TTC3: variants seen among roughly 807,000 people sequenced by gnomAD.
TTC3 encodes E3 ubiquitin-protein ligase TTC3.
A neutral mutation model predicts 249.6 loss-of-function variants in TTC3; 180 were observed. That is an observed-to-expected ratio of 0.72 (90% CI 0.64 to 0.82). The LOEUF is 0.82. TTC3 is among the 40% of genes least tolerant of loss of function. The probability of loss-of-function intolerance (pLI) is 0.00; values close to 1 mark genes in which losing one functional copy is unlikely to be tolerated. For synonymous variants in TTC3, 717 were observed against 805.0 expected (o/e 0.89, Z 1.85); for missense variants, 2,061 against 2,398.4 (o/e 0.86, Z 2.94).
chr21:37,124,703 T>A, exon 14 of TTC3: 1 of 1,613,846 alleles, frequency 6.2e-7, no homozygotes. Context: ...TCAGAAAAAT[T>A]AATCACGAAA....
intron 21 of TTC3, among the ~76,000 whole-genome samples, chr21:37,145,303 A>G (rs13046844): frequency 0.53 from 80,972 of 152,072 alleles, 22,192 homozygotes; most frequent in African/African-American, 0.64. Flanking sequence ...ATAAAAAGAC[A>G]AATAATCTAA....
At chr21:37,103,129 A>G (rs562958643) in intron 10 of TTC3, among the ~76,000 whole-genome samples, 1 of 152,334 alleles carries the variant, frequency 6.6e-6, no homozygotes, top group Non-Finnish European at 1.5e-5. Flanking sequence ...GAGAGGAAAG[A>G]GTTCAGGAAT....
chr21:37,160,203 G>A (rs1045441951), intron 29 of TTC3, among the ~76,000 whole-genome samples: 19 of 152,310 alleles, frequency 1.2e-4, no homozygotes, highest in Non-Finnish European at 2.4e-4. Flanking sequence ...TCATTCTTCA[G>A]AAATTCTTCA....
chr21:37,139,905 A>G (rs1269211453), intron 19 of TTC3, among the ~76,000 whole-genome samples: 1 of 152,198 alleles, frequency 6.6e-6, no homozygotes, highest in Non-Finnish European at 1.5e-5. Flanking sequence ...CCTCCTTTGG[A>G]ACTGGCCTCA....
chr21:37,105,370 A>G (rs2074977113), intron 10 of TTC3, among the ~76,000 whole-genome samples: 1 of 152,184 alleles, frequency 6.6e-6, no homozygotes, highest in Non-Finnish European at 1.5e-5. Flanking sequence ...TTGTATATTC[A>G]GTGGCTCAAC....
In TTC3 at chr21:37,195,180, A is replaced by G. The variant is rs371385917; in HGVS notation, c.5218-495A>G. 2.2e-4 allele frequency among the ~76,000 whole-genome samples: 34 copies of G among 152,284 alleles called. No homozygotes were observed. The South Asian group carries it at 6.8e-3, about 31-fold the overall frequency. ...AATATTCTAGACTGCAAACTTTTAAAAAGATTTGGCCTCAGGCAGCTGCAT... is the reference window on the plus strand; with the variant it reads ...AATATTCTAGACTGCAAACTTTTAAGAAGATTTGGCCTCAGGCAGCTGCAT... On this transcript the variant is annotated intron_variant, in intron 41 of 45. Transcript: ENST00000355666.
intron 1 of TTC3, chr21:37,083,405 G>T (rs929394349): frequency 1.0e-6 from 1 of 985,310 alleles, no homozygotes; most frequent in African/African-American, 1.7e-5. Flanking sequence ...AGTTTTAGAG[G>T]ATGCCAAGAT....
Position 37,166,297 on chromosome 21 carries a change from A to G in TTC3, c.4083A>G (p.Leu1361=), listed in dbSNP as rs2081250840. 3 of 1,614,116 alleles carry G rather than the reference A, an allele frequency of 1.9e-6. No homozygotes were observed. The East Asian group carries it at 6.7e-5, about 36-fold the overall frequency. Residue 1361 remains leucine, a synonymous_variant, in exon 33 of 46, where the codon CTA becomes CTG. Coordinates refer to ENST00000355666, the Ensembl canonical transcript of TTC3. Reference sequence around the variant, plus strand: ...CCAGCCTTTCTCCTGAATATCAGCTACCAAGATCAGTACCAGTGGTGCCGT... The same window carrying G: ...CCAGCCTTTCTCCTGAATATCAGCTGCCAAGATCAGTACCAGTGGTGCCGT...
chr21:37,160,383 T>G (rs924043271), intron 29 of TTC3, among the ~76,000 whole-genome samples: 1 of 152,210 alleles, frequency 6.6e-6, no homozygotes, highest in Non-Finnish European at 1.5e-5. Flanking sequence ...GCTGAAATAC[T>G]CCATAAGGAG....
chr21:37,152,550 C>T (rs1430583912), intron 26 of TTC3, among the ~76,000 whole-genome samples: 1 of 152,002 alleles, frequency 6.6e-6, no homozygotes, highest in Non-Finnish European at 1.5e-5. Context: ...CCATGCCCAG[C>T]TAATTTTTTG....
At chr21:37,148,060 G>A (rs906868101) in intron 22 of TTC3, among the ~76,000 whole-genome samples, 1 of 152,160 alleles carries the variant, frequency 6.6e-6, no homozygotes, top group African/African-American at 2.4e-5. Flanking sequence ...CGTCTCACAT[G>A]GGAACCAGAG....
intron 10 of TTC3, chr21:37,097,765 T>G: frequency 1.9e-6 from 1 of 515,728 alleles, no homozygotes. Context: ...ACTTTTTTTG[T>G]GAAGTTTTCT....
intron 20 of TTC3, among the ~76,000 whole-genome samples, chr21:37,141,903 A>G (rs891754187): frequency 4.1e-4 from 62 of 152,346 alleles, no homozygotes; most frequent in Middle Eastern, 3.4e-3. Flanking sequence ...CTTATCCACC[A>G]TGATCAAGTG....
At chr21:37,183,005 TAC>T in intron 36 of TTC3, 92 bp downstream of exon 36, 2 of 1,091,292 alleles carry the variant, frequency 1.8e-6, no homozygotes, top group Non-Finnish European at 2.5e-6. Context: ...AATATTAAAC[TAC>T]ATCAAGTAAA....
At position 37,197,713 on chromosome 21, in the gene TTC3, T is replaced by C; in HGVS notation, c.5706+17T>C. The stretch of plus-strand genomic sequence containing the variant: ...AAGAAAAAGGTATTTTATCTAGATG[T>C]TCCAGTTTATCCTTATTTATTTATA... On this transcript the variant is annotated intron_variant, in intron 43 of 45. Coordinates refer to ENST00000355666, the Ensembl canonical transcript of TTC3. 1 of 1,582,950 alleles carries C rather than the reference T, an allele frequency of 6.3e-7. No individual in the cohort carries two copies. The highest frequency in any genetic ancestry group is 8.6e-7 in the Non-Finnish European group (1 of 1,166,376).
At chr21:37,141,004 T>A (rs898850134) in intron 20 of TTC3, among the ~76,000 whole-genome samples, 2 of 152,222 alleles carry the variant, frequency 1.3e-5, no homozygotes, top group African/African-American at 4.8e-5. Context: ...GATTGTTTAA[T>A]TTTTTTGATT....
intron 17 of TTC3, among the ~76,000 whole-genome samples, chr21:37,134,686 C>G (rs975020156): frequency 6.6e-6 from 1 of 152,164 alleles, no homozygotes; most frequent in Non-Finnish European, 1.5e-5. Flanking sequence ...ACTTTGGTGA[C>G]TTACAGCTAT....
At chr21:37,083,788 G>C (rs904302158) in intron 1 of TTC3, 10 of 152,180 alleles carry the variant, frequency 6.6e-5, no homozygotes, top group African/African-American at 2.2e-4. Flanking sequence ...AGTAGTTCTA[G>C]TAGGGTCTAG....
At chr21:37,180,877 T>C (rs2082701098) in intron 35 of TTC3, among the ~76,000 whole-genome samples, 2 of 151,998 alleles carry the variant, frequency 1.3e-5, no homozygotes, top group African/African-American at 4.8e-5. Context: ...ATGTATATAT[T>C]ATCAAAGGTA....
Sources: gnomAD v4.1 joint callset for allele counts (sites outside exome capture counted in the v4.1 genomes callset) on GRCh38, gnomAD v4.1.1 for gene constraint, MANE v1.5 for transcripts, NCBI Gene and HGNC (gene_info 2026-07-23, HGNC 2026-07-21) for gene names.